MTUS1: variants seen among roughly 807,000 people sequenced by gnomAD.
MTUS1 encodes the protein microtubule-associated tumor suppressor 1.
MTUS1 carries 109 observed loss-of-function variants against 120.8 expected under a neutral mutation model. The observed-to-expected ratio is 0.90, with a 90% CI of 0.77 to 1.06. The LOEUF (loss-of-function observed/expected upper bound fraction) is 1.06, where lower values mean the gene tolerates loss of function less well. Among genes scored for constraint, MTUS1 ranks in the 50% least tolerant of loss-of-function variants. The pLI is 0.00. For synonymous variants in MTUS1, 737 were observed against 550.5 expected, an observed-to-expected ratio of 1.34 and a Z score of -4.74; for missense variants, 2,210 against 1,486.3, an observed-to-expected ratio of 1.49 and a Z score of -8.01.
chr8:17,799,711 G>C (rs1312205057), intron 1 of MTUS1, among the ~76,000 whole-genome samples: 1 of 152,004 alleles, frequency 6.6e-6, no homozygotes, highest in East Asian at 1.9e-4. Context: ...AAAAGGTCTT[G>C]TTCCAAGCAT....
intron 12 of MTUS1, 109 bp downstream of exon 12, chr8:17,653,077 G>C: frequency 1.5e-6 from 1 of 653,340 alleles, no homozygotes; most frequent in East Asian, 3.1e-5. Flanking sequence ...CCAGACATGA[G>C]AAGGATTCCC....
Position 17,677,738 on chromosome 8 carries a change from A to G in MTUS1, c.2839-2486T>C, listed in dbSNP as rs961591322. Among the ~76,000 whole-genome samples, 3 of 152,158 alleles carry G rather than the reference A, an allele frequency of 2.0e-5. 1 individual carries two copies. The highest frequency in any genetic ancestry group is 1.3e-4 in the Admixed American group (2 of 15,278). On this transcript the variant is annotated intron_variant, in intron 7 of 14. Coordinates refer to ENST00000693296, the MANE Select transcript of MTUS1 (RefSeq NM_001363059.2). ...GTCAGGCACAGTAACAGTAACAGGAAAACCTTGAGGTCATCTTTCACTCTT... is the reference window on the plus strand; with the variant it reads ...GTCAGGCACAGTAACAGTAACAGGAGAACCTTGAGGTCATCTTTCACTCTT...
At chr8:17,775,531 A>G (rs548561345) in intron 1 of MTUS1, among the ~76,000 whole-genome samples, 1 of 152,364 alleles carries the variant, frequency 6.6e-6, no homozygotes. Flanking sequence ...TCGCACAGAA[A>G]GCAGCCATGT....
intron 1 of MTUS1, among the ~76,000 whole-genome samples, chr8:17,782,037 G>A (rs2050912289): frequency 6.6e-6 from 1 of 152,148 alleles, no homozygotes; most frequent in African/African-American, 2.4e-5. Context: ...CCCAAGGCTG[G>A]GCTCCCATTT....
At chr8:17,761,694 C>A (rs150897154) in intron 1 of MTUS1, among the ~76,000 whole-genome samples, 1 of 152,152 alleles carries the variant, frequency 6.6e-6, no homozygotes, top group Non-Finnish European at 1.5e-5. Flanking sequence ...AACATAAGAA[C>A]TGGCTTCATT....
chr8:17,759,945 A>G (rs1737247552), intron 1 of MTUS1, among the ~76,000 whole-genome samples: 1 of 151,934 alleles, frequency 6.6e-6, no homozygotes, highest in Admixed American at 6.6e-5. Flanking sequence ...GTGGTCGCTC[A>G]TGCCTGTAAT....
At chr8:17,684,604 C>A (rs1043794058) in intron 6 of MTUS1, 62 bp from the exon 7 acceptor site, 2 of 1,353,528 alleles carry the variant, frequency 1.5e-6, no homozygotes, top group Non-Finnish European at 1.0e-6. Context: ...ATCACCACCA[C>A]AAGGATTCAA....
At chr8:17,766,046 T>C (rs1270816456) in intron 1 of MTUS1, among the ~76,000 whole-genome samples, 1 of 152,206 alleles carries the variant, frequency 6.6e-6, no homozygotes, top group African/African-American at 2.4e-5. Context: ...CTAGCATTAG[T>C]TTACCTTTGT....
chr8:17,741,519 C>A (rs191022904), intron 3 of MTUS1, among the ~76,000 whole-genome samples: 1 of 152,192 alleles, frequency 6.6e-6, no homozygotes, highest in Non-Finnish European at 1.5e-5. Flanking sequence ...CTCATCGACA[C>A]AGGATGATAA....
intron 7 of MTUS1, among the ~76,000 whole-genome samples, chr8:17,684,051 G>A (rs1471332608): frequency 6.6e-6 from 1 of 152,152 alleles, no homozygotes; most frequent in Non-Finnish European, 1.5e-5. Flanking sequence ...TAGGTCTAGA[G>A]GCATACACCG....
At chr8:17,691,053 A>G (rs1816844871) in intron 6 of MTUS1, among the ~76,000 whole-genome samples, 1 of 152,232 alleles carries the variant, frequency 6.6e-6, no homozygotes, top group South Asian at 2.1e-4. Context: ...TTGTTCTAAC[A>G]AAACAAGTAT....
At chr8:17,721,684 G>A (rs770553966) in intron 4 of MTUS1, 2 of 1,542,622 alleles carry the variant, frequency 1.3e-6, no homozygotes, top group Non-Finnish European at 1.7e-6. Flanking sequence ...TGCTTACAAA[G>A]AAAAGAAACC....
At chr8:17,740,430 T>C (rs569593708) in intron 3 of MTUS1, among the ~76,000 whole-genome samples, 2 of 152,340 alleles carry the variant, frequency 1.3e-5, no homozygotes, top group South Asian at 4.1e-4. Flanking sequence ...GTATGGTGGA[T>C]ATCCATTTGG....
At chr8:17,769,713 A>G (rs1316377443) in intron 1 of MTUS1, among the ~76,000 whole-genome samples, 2 of 152,234 alleles carry the variant, frequency 1.3e-5, no homozygotes, top group Non-Finnish European at 2.9e-5. Context: ...TTCTTTAAAC[A>G]TATCATAAAA....
At chr8:17,669,519 A>T (rs1285701809) in intron 8 of MTUS1, among the ~76,000 whole-genome samples, 1 of 152,132 alleles carries the variant, frequency 6.6e-6, no homozygotes, top group African/African-American at 2.4e-5. Flanking sequence ...TTTTCCCCCA[A>T]GGCCAAAATA....
intron 1 of MTUS1, among the ~76,000 whole-genome samples, chr8:17,782,954 T>G (rs768848972): frequency 6.6e-6 from 1 of 152,154 alleles, no homozygotes; most frequent in Non-Finnish European, 1.5e-5. Context: ...AGTGGGCGCC[T>G]GTAATCCCAG....
At chr8:17,735,407 A>C (rs139517666) in intron 3 of MTUS1, among the ~76,000 whole-genome samples, 1,643 of 152,306 alleles carry the variant, frequency 0.011, 10 homozygotes, top group Non-Finnish European at 0.018. Context: ...ATCCGTTCCC[A>C]AAAAATATGT....
chr8:17,775,197 T>C (rs2050326991), intron 1 of MTUS1, among the ~76,000 whole-genome samples: 1 of 152,174 alleles, frequency 6.6e-6, no homozygotes, highest in Non-Finnish European at 1.5e-5. Flanking sequence ...TTTGTGAATG[T>C]ACTTTATGCC....
intron 7 of MTUS1, among the ~76,000 whole-genome samples, chr8:17,683,457 G>C (rs1418742978): frequency 6.6e-6 from 1 of 152,094 alleles, no homozygotes; most frequent in East Asian, 1.9e-4. Context: ...AAACTGAACA[G>C]TTTTCTTTTT....
Sources: allele counts gnomAD v4.1 joint callset (sites outside exome capture counted in the v4.1 genomes callset), GRCh38; gene constraint gnomAD v4.1.1; transcripts MANE v1.5; gene names NCBI Gene and HGNC (gene_info 2026-07-23, HGNC 2026-07-21).